Variants in CRACD observed in about 807,000 individuals in gnomAD.
The protein encoded by CRACD is capping protein-inhibiting regulator of actin dynamics.
Under a neutral mutation model 106.8 loss-of-function variants are expected in CRACD, and 56 were observed. That is an observed-to-expected ratio of 0.52 (90% CI 0.42 to 0.66). The LOEUF (loss-of-function observed/expected upper bound fraction) is 0.66, where lower values mean the gene tolerates loss of function less well. CRACD is among the 30% of genes least tolerant of loss of function. CRACD has a pLI of 0.00. For synonymous variants in CRACD, 754 were observed against 670.8 expected, an observed-to-expected ratio of 1.12 and a Z score of -1.92; for missense variants, 1,730 against 1,623.2, an observed-to-expected ratio of 1.07 and a Z score of -1.13.
chr4:56,103,974 A>G (rs900392440), intron 1 of CRACD, among the ~76,000 whole-genome samples: 4 of 152,182 alleles, frequency 2.6e-5, no homozygotes, highest in African/African-American at 7.2e-5. Context: ...GGGTTTCACC[A>G]TGTTGATCAG....
chr4:56,070,731 G>C (rs1322867079), intron 1 of CRACD, among the ~76,000 whole-genome samples: 5 of 152,140 alleles, frequency 3.3e-5, no homozygotes, highest in African/African-American at 1.2e-4. Flanking sequence ...TCGGGGTGGT[G>C]ATGGGGGGTC....
Position 56,315,281 on chromosome 4 carries a change from C to A in CRACD, c.1779C>A (p.His593Gln), listed in dbSNP as rs754045110. The change falls in exon 8 of 11, where the codon CAC becomes CAA. Residue 593 changes from histidine (H) to glutamine (Q), a missense_variant. Coordinates refer to ENST00000682029, the MANE Select transcript of CRACD (RefSeq NM_001393381.1). The surrounding 1 kb of genome is among the most constrained non-coding windows in gnomAD (Gnocchi z 4.1). ...TACCGTCGTCCCTGAGCGTTCCCCA[C>A]ACCGCCATTCTGGTCACGGGCGCGC... ...HALPSSLSVPHTAILVTGAQL... is the reference protein window; with the variant it reads ...HALPSSLSVPQTAILVTGAQL... 6.2e-7 allele frequency: 1 copy of A among 1,613,040 alleles called. No homozygotes were observed. Among genetic ancestry groups the A allele is most frequent in the Non-Finnish European group, 8.5e-7 (1 of 1,179,688 alleles).
At chr4:56,158,226 T>C (rs917726249) in intron 1 of CRACD, among the ~76,000 whole-genome samples, 1 of 152,226 alleles carries the variant, frequency 6.6e-6, no homozygotes, top group African/African-American at 2.4e-5. Context: ...CTCTATGTTG[T>C]GCCTGTGGTT....
chr4:56,087,618 G>A (rs999965672), intron 1 of CRACD, among the ~76,000 whole-genome samples: 1 of 152,024 alleles, frequency 6.6e-6, no homozygotes, highest in Non-Finnish European at 1.5e-5. Context: ...GCTTATTGCT[G>A]CCAAGTGTGC....
intron 2 of CRACD, among the ~76,000 whole-genome samples, chr4:56,207,560 A>G (rs1188921588): frequency 6.6e-6 from 1 of 152,000 alleles, no homozygotes; most frequent in Admixed American, 6.6e-5. Context: ...TCAAGGCATA[A>G]GGTTGTCCAT....
At position 56,316,461 on chromosome 4, in the gene CRACD, G is replaced by T. The variant is rs1479563670; in HGVS notation, c.2959G>T (p.Glu987Ter). 1.9e-6 allele frequency: 3 copies of T among 1,614,082 alleles called. No individual in the cohort carries two copies. In the East Asian group the frequency reaches 6.7e-5, roughly 36 times the overall value. ...CAAACTGAGCAGGCCCTACTTGGTA[G>T]AGCTGCTGTCTCGCCGAGCGGGGAG... Reference protein sequence around the residue: ...LSKLSRPYLVELLSRRAGRPD... With the variant: ...LSKLSRPYLV The change falls in exon 8 of 11, where the codon GAG becomes TAG. Residue 987 changes from glutamate (E) to a stop codon, truncating the protein, a stop_gained. Coordinates refer to ENST00000682029, the MANE Select transcript of CRACD (RefSeq NM_001393381.1). LOFTEE classifies it high-confidence loss of function.
chr4:56,325,084 C>T (rs986811818), intron 10 of CRACD, among the ~76,000 whole-genome samples: 1 of 152,270 alleles, frequency 6.6e-6, no homozygotes, highest in East Asian at 1.9e-4. Flanking sequence ...CCTGTAATCC[C>T]AGCACTTTGG....
At chr4:56,065,902 T>C (rs1732450612) in intron 1 of CRACD, among the ~76,000 whole-genome samples, 1 of 152,192 alleles carries the variant, frequency 6.6e-6, no homozygotes, top group African/African-American at 2.4e-5. Context: ...TGAATTTGCC[T>C]ATTCCTGATT....
At position 56,315,463 on chromosome 4, in the gene CRACD, C is replaced by T. The variant is rs61750793; in HGVS notation, c.1961C>T (p.Pro654Leu). The T allele has an allele frequency of 0.26, 416,888 of 1,612,848 alleles. 55,442 individuals are homozygous for T. Among genetic ancestry groups the T allele is most frequent in the Middle Eastern group, 0.33 (2,002 of 6,062 alleles). ...DARAGSGKAKPRQESPSSASA... is the reference protein window; with the variant it reads ...DARAGSGKAKLRQESPSSASA... ...AGGGCGGGCAGCGGGAAGGCTAAGCCCCGCCAGGAGTCTCCCAGCAGCGCG... is the reference window on the plus strand; with the variant it reads ...AGGGCGGGCAGCGGGAAGGCTAAGCTCCGCCAGGAGTCTCCCAGCAGCGCG... The change falls in exon 8 of 11, where the codon CCC becomes CTC. Residue 654 changes from proline (P) to leucine (L), a missense_variant. By Grantham distance (98) the Pro-to-Leu change is moderately conservative. Around this residue, in one of 5 missense-constraint regions of CRACD, gnomAD observed 1,620 missense variants for 1,481.6 expected, o/e 1.09. Coordinates refer to ENST00000682029, the MANE Select transcript of CRACD (RefSeq NM_001393381.1). The surrounding 1 kb of genome is among the most constrained non-coding windows in gnomAD (Gnocchi z 4.1).
In CRACD at chr4:56,328,780, G is replaced by C. The variant is rs1002456032; in HGVS notation, c.*976G>C. Among the ~76,000 whole-genome samples, 4 of 152,142 alleles carry C rather than the reference G, an allele frequency of 2.6e-5. No homozygotes were observed. The highest frequency in any genetic ancestry group is 9.7e-5 in the African/African-American group (4 of 41,430). On this transcript the variant is annotated 3_prime_UTR_variant, in exon 11 of 11. Coordinates refer to ENST00000682029, the MANE Select transcript of CRACD (RefSeq NM_001393381.1). Reference sequence around the variant, plus strand: ...GCAATCTAATTTTTCAGACTTCGAAGGGGAGGCTCATTCACTCAAAAAGCA... The same window carrying C: ...GCAATCTAATTTTTCAGACTTCGAACGGGAGGCTCATTCACTCAAAAAGCA...
At chr4:56,318,355 G>C (rs1403027477) in intron 8 of CRACD, among the ~76,000 whole-genome samples, 2 of 152,072 alleles carry the variant, frequency 1.3e-5, no homozygotes, top group East Asian at 3.9e-4. Context: ...ATGTTCATCA[G>C]CAGTTTCTAG....
chr4:56,178,459 G>C (rs1026905382), intron 1 of CRACD, among the ~76,000 whole-genome samples: 1 of 152,184 alleles, frequency 6.6e-6, no homozygotes, highest in Admixed American at 6.5e-5. Context: ...TGCCCTGGCT[G>C]TCTTGGTAGT....
chr4:56,184,777 C>T (rs1179238898), intron 2 of CRACD, among the ~76,000 whole-genome samples: 3 of 152,086 alleles, frequency 2.0e-5, no homozygotes, highest in African/African-American at 7.2e-5. Flanking sequence ...TTATTTAATC[C>T]CTCTTATCAC....
At chr4:56,092,826 C>T (rs116301694) in intron 1 of CRACD, among the ~76,000 whole-genome samples, 1,539 of 152,172 alleles carry the variant, frequency 0.01, 28 homozygotes, top group African/African-American at 0.034. Context: ...AGGCTCGTCT[C>T]GAACTCCTGC....
At chr4:56,152,453 C>T (rs1735614751) in intron 1 of CRACD, among the ~76,000 whole-genome samples, 1 of 151,620 alleles carries the variant, frequency 6.6e-6, no homozygotes, top group African/African-American at 2.4e-5. Context: ...GGACAACATA[C>T]CAAGGCCTTG....
In CRACD at chr4:56,166,573, G is replaced by T. The variant is rs180735485; in HGVS notation, c.-335-12711G>T. 4.0e-5 allele frequency among the ~76,000 whole-genome samples: 6 copies of T among 150,490 alleles called. No individual in the cohort carries two copies. The South Asian group carries it at 1.3e-3, about 32-fold the overall frequency. On this transcript the variant is annotated intron_variant, in intron 1 of 10. Coordinates refer to ENST00000682029, the MANE Select transcript of CRACD (RefSeq NM_001393381.1). ...TGCATGCCTATAATCCCAGCAACTC[G>T]GGAGGCTGAGACAGGAGAATCGCTT...
At chr4:56,125,444 C>T (rs1457080285) in intron 1 of CRACD, among the ~76,000 whole-genome samples, 3 of 151,894 alleles carry the variant, frequency 2.0e-5, no homozygotes, top group African/African-American at 4.8e-5. Context: ...GGGTCTTGCC[C>T]TGTCACCCAG....
chr4:56,197,641 A>T lies in CRACD; in HGVS notation c.-189+18211A>T, dbSNP rs180878599. 1.6e-4 allele frequency among the ~76,000 whole-genome samples: 24 copies of T among 152,176 alleles called. No homozygotes were observed. The East Asian group carries it at 4.1e-3, about 26-fold the overall frequency. On this transcript the variant is annotated intron_variant, in intron 2 of 10. Coordinates refer to ENST00000682029, the MANE Select transcript of CRACD (RefSeq NM_001393381.1). The stretch of plus-strand genomic sequence containing the variant: ...CTTTTACCACATCTCTAGGGAGGTT[A>T]CAAAGTCTATTAGACCTCTCTATTT...
In CRACD at chr4:56,326,736, G is replaced by A. The variant is rs568025467; in HGVS notation, c.3542-908G>A. ...ACCCAGTGGATGCTTTTGTGGGGAC[G>A]GTAGCTTTTTTTTTTTTTTTTGAAG... On this transcript the variant is annotated intron_variant, in intron 10 of 10. Transcript: ENST00000682029. 2.7e-5 allele frequency among the ~76,000 whole-genome samples: 4 copies of A among 147,468 alleles called. No individual in the cohort carries two copies. In the South Asian group the frequency reaches 6.4e-4, roughly 24 times the overall value.
Sources: gnomAD v4.1 joint callset for allele counts (sites outside exome capture counted in the v4.1 genomes callset) on GRCh38, gnomAD v4.1.1 for gene constraint, gnomAD v4.1.1 regional missense constraint, Gnocchi (gnomAD v3.1) non-coding constraint, MANE v1.5 for transcripts, NCBI Gene and HGNC (gene_info 2026-07-23, HGNC 2026-07-21) for gene names.